TASP1: variants seen among roughly 807,000 people sequenced by gnomAD.
TASP1 encodes the protein threonine aspartase 1.
Under a neutral mutation model 56.6 loss-of-function variants are expected in TASP1, and 16 were observed. The observed-to-expected ratio is 0.28, with a 90% CI of 0.19 to 0.43. The LOEUF (loss-of-function observed/expected upper bound fraction) is 0.43, where lower values mean the gene tolerates loss of function less well. Among genes scored for constraint, TASP1 ranks in the 20% least tolerant of loss-of-function variants. The pLI is 1.00. For missense variants in TASP1, 393 were observed against 511.6 expected, an observed-to-expected ratio of 0.77 and a Z score of 2.24; for synonymous variants, 179 against 184.2, an observed-to-expected ratio of 0.97 and a Z score of 0.23.
At position 13,417,480 on chromosome 20, in the gene TASP1, C is replaced by T. The variant is rs749076414; in HGVS notation, c.1138G>A (p.Gly380Arg). The T allele has an allele frequency of 1.9e-6, 3 of 1,613,986 alleles. No individual in the cohort carries two copies. The highest frequency in any genetic ancestry group is 1.1e-5 in the South Asian group (1 of 91,084). Reference protein sequence around the residue: ...WSHTTESMCVGYMSAQDGKAK... With the variant: ...WSHTTESMCVRYMSAQDGKAK... Reference sequence around the variant, plus strand: ...TTCCCATCCTGGGCTGACATATATCCGACACACATGCTCTCCGTCGTGTGG... The same window carrying T: ...TTCCCATCCTGGGCTGACATATATCTGACACACATGCTCTCCGTCGTGTGG... Residue 380 changes from glycine (G) to arginine (R), a missense_variant, in exon 13 of 14, where the codon GGA becomes AGA. By Grantham distance (125) the Gly-to-Arg change is moderately radical. This residue lies in a region of TASP1 where 293 missense variants were observed against 354.2 expected (regional missense o/e 0.83). Transcript: ENST00000337743.
downstream of TASP1, among the ~76,000 whole-genome samples, chr20:13,385,924 C>A (rs543232902): frequency 6.6e-6 from 1 of 152,182 alleles, no homozygotes; most frequent in Non-Finnish European, 1.5e-5. Context: ...AGCTTTCCAT[C>A]GTTCTGGAAA....
At chr20:13,574,663 A>G (rs1361647614) in intron 6 of TASP1, among the ~76,000 whole-genome samples, 4 of 152,188 alleles carry the variant, frequency 2.6e-5, no homozygotes, top group Admixed American at 2.6e-4. Flanking sequence ...AAACTTGTAG[A>G]GATAAAAATA....
chr20:13,535,145 C>A (rs2045366891), intron 8 of TASP1, among the ~76,000 whole-genome samples: 1 of 152,146 alleles, frequency 6.6e-6, no homozygotes, highest in South Asian at 2.1e-4. Context: ...TGATTTATTG[C>A]TCACATTACT....
At chr20:13,109,068 A>G in the TASP1 span, among the ~76,000 whole-genome samples, 14 of 152,222 alleles carry the variant, frequency 9.2e-5, no homozygotes, top group African/African-American at 3.1e-4. Flanking sequence ...CTAGGCTTAA[A>G]TGTTAAAAAC....
intron 4 of TASP1, among the ~76,000 whole-genome samples, chr20:13,604,033 T>G (rs1282056421): frequency 6.6e-6 from 1 of 152,196 alleles, no homozygotes; most frequent in African/African-American, 2.4e-5. Flanking sequence ...AATCTCCCCT[T>G]ACCTGTGATG....
the TASP1 span, among the ~76,000 whole-genome samples, chr20:13,170,751 G>A: frequency 6.6e-6 from 1 of 152,192 alleles, no homozygotes; most frequent in Non-Finnish European, 1.5e-5. Flanking sequence ...CCCATGGCCA[G>A]GGATAGGTCT....
intron 11 of TASP1, among the ~76,000 whole-genome samples, chr20:13,479,231 A>G (rs2043047729): frequency 6.6e-6 from 1 of 152,150 alleles, no homozygotes; most frequent in African/African-American, 2.4e-5. Context: ...CTACACATGC[A>G]TTGTAATGAG....
In TASP1 at chr20:13,572,314, G is replaced by A. The variant is rs145790057; in HGVS notation, c.489-2728C>T. 2.0e-3 allele frequency among the ~76,000 whole-genome samples: 311 copies of A among 152,160 alleles called. 2 individuals carry two copies. The highest frequency in any genetic ancestry group is 7.2e-3 in the African/African-American group (300 of 41,516). Reference sequence around the variant, plus strand: ...TTTTCCTTGTGTTATACCCATCTTCGTTTACATTAAAGCAGATCTAAATGG... The same window carrying A: ...TTTTCCTTGTGTTATACCCATCTTCATTTACATTAAAGCAGATCTAAATGG... On this transcript the variant is annotated intron_variant, in intron 6 of 13. Coordinates refer to ENST00000337743, the MANE Select transcript of TASP1 (RefSeq NM_017714.3).
chr20:13,451,626 A>C (rs976199937), intron 11 of TASP1, among the ~76,000 whole-genome samples: 1 of 152,108 alleles, frequency 6.6e-6, no homozygotes, highest in African/African-American at 2.4e-5. Context: ...TAACAGAATT[A>C]AAGAGAGTTA....
chr20:13,622,323 T>G (rs1229289359), intron 4 of TASP1, among the ~76,000 whole-genome samples: 2 of 152,134 alleles, frequency 1.3e-5, no homozygotes, highest in Non-Finnish European at 2.9e-5. Flanking sequence ...TAATGACTGG[T>G]AGAGCTGGTA....
intron 11 of TASP1, among the ~76,000 whole-genome samples, chr20:13,462,049 C>T (rs942033827): frequency 1.3e-5 from 2 of 152,072 alleles, no homozygotes; most frequent in African/African-American, 4.8e-5. Flanking sequence ...GCAGGACCAT[C>T]AGAGACATTG....
chr20:13,547,623 C>A (rs899059659), intron 8 of TASP1, among the ~76,000 whole-genome samples: 23 of 152,020 alleles, frequency 1.5e-4, no homozygotes, highest in African/African-American at 5.6e-4. Flanking sequence ...AGGAGAGAGA[C>A]AAAACCAATG....
chr20:13,631,446 G>A (rs2049084399), intron 1 of TASP1, among the ~76,000 whole-genome samples: 1 of 151,912 alleles, frequency 6.6e-6, no homozygotes. Context: ...ATTTTCTTTT[G>A]GTTATTTCTC....
At chr20:13,237,618 C>T in the TASP1 span, among the ~76,000 whole-genome samples, 1 of 152,146 alleles carries the variant, frequency 6.6e-6, no homozygotes, top group East Asian at 1.9e-4. Context: ...GCCTCTTGAT[C>T]TAGGCATTGG....
chr20:13,454,777 C>G (rs1340496935), intron 11 of TASP1, among the ~76,000 whole-genome samples: 1 of 152,138 alleles, frequency 6.6e-6, no homozygotes, highest in Non-Finnish European at 1.5e-5. Context: ...CTCTGAATTC[C>G]TTCCTTGTGT....
chr20:13,606,155 GTA>G (rs1317231386), intron 4 of TASP1, among the ~76,000 whole-genome samples: 2 of 146,180 alleles, frequency 1.4e-5, no homozygotes, highest in East Asian at 4.0e-4. Flanking sequence ...GTGTGTGTGT[GTA>G]GATGCATTAC....
chr20:13,292,265 T>A, the TASP1 span: 3 of 689,532 alleles, frequency 4.4e-6, no homozygotes, highest in Non-Finnish European at 5.0e-6. Flanking sequence ...TGAGTAGTAA[T>A]GAATACAAAA....
chr20:13,500,289 T>C (rs2043898122), intron 10 of TASP1, among the ~76,000 whole-genome samples: 1 of 144,128 alleles, frequency 6.9e-6, no homozygotes, highest in African/African-American at 2.6e-5. Context: ...ACTCAATTTG[T>C]CATACTAGAT....
chr20:13,358,918 G>C, the TASP1 span, among the ~76,000 whole-genome samples: 2 of 150,562 alleles, frequency 1.3e-5, no homozygotes, highest in African/African-American at 4.9e-5. Context: ...CTGCTTTTCT[G>C]GGAGAGGGGC....
Sources: gnomAD v4.1 joint callset for allele counts (sites outside exome capture counted in the v4.1 genomes callset) on GRCh38, gnomAD v4.1.1 for gene constraint, gnomAD v4.1.1 regional missense constraint, MANE v1.5 for transcripts, NCBI Gene and HGNC (gene_info 2026-07-23, HGNC 2026-07-21) for gene names.